Variants in PDCD11 observed in about 807,000 individuals in gnomAD.
PDCD11 encodes protein RRP5 homolog.
In PDCD11, 97 loss-of-function variants were observed where a neutral mutation model predicts 198.9. The ratio of observed to expected loss-of-function variants is 0.49; its 90% CI spans 0.41 to 0.58. The LOEUF (loss-of-function observed/expected upper bound fraction) is 0.58. Among genes scored for constraint, PDCD11 ranks in the 20% least tolerant of loss-of-function variants. The pLI is 0.00. For synonymous variants in PDCD11, 893 were observed against 918.0 expected (o/e 0.97, Z 0.49); for missense variants, 2,102 against 2,312.7 (o/e 0.91, Z 1.87).
chr10:103,406,643 C>T lies in PDCD11; in HGVS notation c.723C>T (p.Cys241=), dbSNP rs754068000. Residue 241 remains cysteine (C), a synonymous_variant, in exon 7 of 36, where the codon TGC becomes TGT. Transcript: ENST00000369797. ...TAAAGGTGGGTCAGTACCTGAACTG[C>T]ATTGTTGAAAAGGTGAAAGGCAACG... The part of the protein sequence containing the change: ...AKLKVGQYLN[C]IVEKVKGNGG... 2 of 1,614,088 alleles carry T rather than the reference C, an allele frequency of 1.2e-6. No homozygotes were observed. The highest frequency in any genetic ancestry group is 4.5e-5 in the East Asian group (2 of 44,882).
At chr10:103,425,765 T>C (rs61871170) in intron 20 of PDCD11, among the ~76,000 whole-genome samples, 54,604 of 151,810 alleles carry the variant, frequency 0.36, 10,178 homozygotes, top group South Asian at 0.51. Context: ...CTGCAAGCTC[T>C]GCCTCCTGGG....
At chr10:103,440,688 G>T in intron 29 of PDCD11, 46 bp from the exon 30 acceptor site, 1 of 1,613,674 alleles carries the variant, frequency 6.2e-7, no homozygotes, top group Non-Finnish European at 8.5e-7. Context: ...TGTCGCCTGG[G>T]GCTGCAGGAG....
At chr10:103,443,782 T>C in intron 33 of PDCD11, 133 bp from the exon 34 acceptor site, 1 of 870,432 alleles carries the variant, frequency 1.1e-6, no homozygotes, top group Admixed American at 2.1e-5. Context: ...CTCTCAGGTC[T>C]CTAGCATTAG....
chr10:103,417,179 C>CT lies in PDCD11; in HGVS notation c.1770+448dup, dbSNP rs112206729. ...AATATGATATTTCTTTTTTCTTTTCCTTTTTTTTTTTGAGACAGAGTTTCC... is the reference window on the plus strand; with the variant it reads ...AATATGATATTTCTTTTTTCTTTTCCTTTTTTTTTTTTGAGACAGAGTTTCC... On this transcript the variant is annotated intron_variant, in intron 13 of 35. Coordinates refer to ENST00000369797, the MANE Select transcript of PDCD11 (RefSeq NM_014976.2). Among the ~76,000 whole-genome samples the CT allele has an allele frequency of 4.6e-3, 680 of 146,628 alleles. 4 individuals carry two copies. Among genetic ancestry groups the CT allele is most frequent in the African/African-American group, 0.013 (505 of 40,138 alleles).
rs779352272 is a variant in PDCD11, at chr10:103,414,297, A to C, written c.1338A>C (p.Arg446Ser). The change falls in exon 11 of 36, where the codon AGA becomes AGC. Residue 446 changes from arginine (R) to serine (S), a missense_variant. Coordinates refer to ENST00000369797, the MANE Select transcript of PDCD11 (RefSeq NM_014976.2). ...RTSIIEAQYL[R>S]YHDIEPGAVV... ...CTATTATTGAAGCTCAGTACCTTAG[A>C]TATCATGACATCGAACCTGGGGCAG... The C allele has an allele frequency of 5.0e-6, 8 of 1,613,652 alleles. No individual in the cohort carries two copies. The South Asian group carries it at 7.7e-5, about 16-fold the overall frequency.
At chr10:103,412,327 A>G (rs1564761140) in intron 8 of PDCD11, among the ~76,000 whole-genome samples, 2 of 125,530 alleles carry the variant, frequency 1.6e-5, no homozygotes, top group African/African-American at 6.0e-5. Flanking sequence ...TGCCCGGCTA[A>G]TTTTTTTTTT....
intron 21 of PDCD11, among the ~76,000 whole-genome samples, chr10:103,430,205 C>T (rs2031870393): frequency 6.6e-6 from 1 of 152,156 alleles, no homozygotes; most frequent in Non-Finnish European, 1.5e-5. Flanking sequence ...GTTGCCCAGG[C>T]TGGTCTCAAA....
At chr10:103,412,997 T>G in intron 8 of PDCD11, 119 bp from the exon 9 acceptor site, 1 of 736,518 alleles carries the variant, frequency 1.4e-6, no homozygotes, top group Non-Finnish European at 2.4e-6. Flanking sequence ...ACTTACATAC[T>G]AAGGATGTGA....
Position 103,445,369 on chromosome 10 carries a change from C to T in PDCD11, c.5445-9C>T, listed in dbSNP as rs201188238. 6.4e-4 allele frequency: 1,036 copies of T among 1,613,990 alleles called. 1 individual carries two copies. Among genetic ancestry groups the T allele is most frequent in the Non-Finnish European group, 7.1e-4 (833 of 1,179,910 alleles). On this transcript the variant is annotated splice_polypyrimidine_tract_variant and intron_variant, in intron 35 of 35. Transcript: ENST00000369797. ...GACAGGCAAATGCCACTCTGCTTTT[C>T]CTCAACAGGGACATCTTTGAGCGGG...
chr10:103,400,289 A>T, intron 2 of PDCD11, 108 bp from the exon 3 acceptor site: 1 of 517,414 alleles, frequency 1.9e-6, no homozygotes, highest in Non-Finnish European at 2.9e-6. Context: ...GGTAGGGTGG[A>T]GTGAAGGAGT....
Position 103,445,679 on chromosome 10 carries a change from GA to G in PDCD11, c.*133del. 1.5e-6 allele frequency: 1 copy of G among 682,838 alleles called. No individual in the cohort carries two copies. The highest frequency in any genetic ancestry group is 2.4e-6 in the Non-Finnish European group (1 of 410,728). 42.3% of individuals were successfully genotyped at this position (682,838 alleles called of 1,614,324 possible). A position where few individuals can be genotyped will look rare whatever the true frequency, so the allele number is the denominator to read the frequency against. On this transcript the variant is annotated 3_prime_UTR_variant, in exon 36 of 36. Coordinates refer to ENST00000369797, the MANE Select transcript of PDCD11 (RefSeq NM_014976.2). ...CTGCTTTTTCTGCAGCACGCTTGGG[GA>G]AATCCTGTCAGGATGAAAAGGAAGT... is the stretch of plus-strand genomic sequence containing the variant.
chr10:103,403,771 T>A (rs2133677218), intron 4 of PDCD11, among the ~76,000 whole-genome samples: 1 of 152,342 alleles, frequency 6.6e-6, no homozygotes, highest in South Asian at 2.1e-4. Flanking sequence ...GAGGCTCTTG[T>A]AGTCGTTCAC....
chr10:103,417,363 G>C (rs1209358748), intron 13 of PDCD11, among the ~76,000 whole-genome samples: 1 of 152,066 alleles, frequency 6.6e-6, no homozygotes, highest in Non-Finnish European at 1.5e-5. Context: ...GTAGAGATGG[G>C]ATTTTGCCAT....
In PDCD11 at chr10:103,443,335, T is replaced by G. The variant is rs1329561765; in HGVS notation, c.5124+2T>G. The G allele has an allele frequency of 1.2e-6, 2 of 1,602,080 alleles. No homozygotes were observed. Among genetic ancestry groups the G allele is most frequent in the Non-Finnish European group, 8.5e-7 (1 of 1,171,766 alleles). ...TACGCCAAGTCAGAGAAATTCCAGG[T>G]AGGAGGTTGGGCCACAGACGAACTC... is the stretch of plus-strand genomic sequence containing the variant. On this transcript the variant is annotated splice_donor_variant, in intron 33 of 35. Transcript: ENST00000369797. LOFTEE classifies it high-confidence loss of function.
intron 13 of PDCD11, among the ~76,000 whole-genome samples, 157 bp from the exon 14 acceptor site, chr10:103,417,635 G>A (rs191470173): frequency 6.6e-6 from 1 of 152,348 alleles, no homozygotes; most frequent in East Asian, 1.9e-4. Flanking sequence ...GGGGGATTGT[G>A]TAGCTCTCAG....
chr10:103,429,771 C>G (rs1205751929), intron 21 of PDCD11, among the ~76,000 whole-genome samples: 2 of 152,134 alleles, frequency 1.3e-5, no homozygotes, highest in Non-Finnish European at 2.9e-5. Flanking sequence ...GTGACTGAAA[C>G]TATACCTATG....
intron 17 of PDCD11, among the ~76,000 whole-genome samples, chr10:103,421,792 G>A (rs1033638414): frequency 1.2e-4 from 18 of 150,662 alleles, no homozygotes; most frequent in Non-Finnish European, 2.1e-4. Context: ...GTGAAACCCC[G>A]TCTCTACTAA....
intron 28 of PDCD11, among the ~76,000 whole-genome samples, 153 bp downstream of exon 28, chr10:103,440,021 C>T (rs553261496): frequency 1.5e-4 from 23 of 152,298 alleles, no homozygotes; most frequent in African/African-American, 5.1e-4. Flanking sequence ...AACCTTCTCC[C>T]CCAGTGCCTG....
intron 16 of PDCD11, among the ~76,000 whole-genome samples, chr10:103,420,067 C>T (rs1049503608): frequency 6.7e-6 from 1 of 149,182 alleles, no homozygotes; most frequent in East Asian, 2.0e-4. Flanking sequence ...CAAAGTGCTG[C>T]GATTACAGGT....
Sources: gnomAD v4.1 joint callset for allele counts (sites outside exome capture counted in the v4.1 genomes callset) on GRCh38, gnomAD v4.1.1 for gene constraint, MANE v1.5 for transcripts, NCBI Gene and HGNC (gene_info 2026-07-23, HGNC 2026-07-21) for gene names.